Variants in ROS1 observed in about 807,000 individuals in gnomAD.
The protein encoded by ROS1 is ROS proto-oncogene 1, receptor tyrosine kinase, also known as proto-oncogene tyrosine-protein kinase ROS.
ROS1 carries 263 observed loss-of-function variants against 273.5 expected under a neutral mutation model. That is an observed-to-expected ratio of 0.96 (90% CI 0.87 to 1.06). ROS1 has a LOEUF of 1.06. ROS1 is among the 50% of genes least tolerant of loss of function. The probability of loss-of-function intolerance (pLI) is 0.00; values close to 1 mark genes in which losing one functional copy is unlikely to be tolerated. For synonymous variants in ROS1, 1,008 were observed against 954.1 expected, an observed-to-expected ratio of 1.06 and a Z score of -1.04; for missense variants, 2,833 against 2,751.1, an observed-to-expected ratio of 1.03 and a Z score of -0.67.
chr6:117,342,483 T>C lies in ROS1; in HGVS notation c.4568A>G (p.Gln1523Arg), dbSNP rs750621559. ...DLQPFSTYMI[Q>R]IAVKNYYSDP... ...TGAATAATAATTTTTTACAGCTATC[T>C]GTATCATGTATGTTGAAAATGGTTG... The change falls in exon 29 of 44, where the codon CAG (glutamine) becomes CGG (arginine). Residue 1523 changes from glutamine to arginine, a missense_variant. Coordinates refer to ENST00000368507, the MANE Select transcript of ROS1 (RefSeq NM_001378902.1). 25 of 1,603,958 alleles carry C rather than the reference T, an allele frequency of 1.6e-5. No individual in the cohort carries two copies. The highest frequency in any genetic ancestry group is 2.2e-5 in the East Asian group (1 of 44,696).
chr6:117,342,433 C>T lies in ROS1; in HGVS notation c.4618G>A (p.Gly1540Arg). Residue 1540 changes from glycine (G) to arginine (R), a missense_variant, in exon 29 of 44, where the codon GGA becomes AGA. Coordinates refer to ENST00000368507, the MANE Select transcript of ROS1 (RefSeq NM_001378902.1). ...TTAGTTTTTCCCCAAATCTCTTTTCCTGGTGGTAAATGTTCCAAAGGATCT... is the reference window on the plus strand; with the variant it reads ...TTAGTTTTTCCCCAAATCTCTTTTCTTGGTGGTAAATGTTCCAAAGGATCT... ...YSDPLEHLPP[G>R]KEIWGKTKNG... 6.2e-7 allele frequency: 1 copy of T among 1,611,908 alleles called. No homozygotes were observed. Among genetic ancestry groups the T allele is most frequent in the Middle Eastern group, 1.7e-4 (1 of 6,052 alleles).
intron 42 of ROS1, among the ~76,000 whole-genome samples, chr6:117,302,246 A>C (rs920349092): frequency 6.6e-6 from 1 of 152,200 alleles, no homozygotes; most frequent in Admixed American, 6.5e-5. Context: ...TTTTTAAGTA[A>C]TATTCAGTCT....
In ROS1 at chr6:117,341,476, C is replaced by T. The variant is rs1477497007; in HGVS notation, c.4808G>A (p.Arg1603Lys). 2.5e-6 allele frequency: 4 copies of T among 1,613,806 alleles called. No homozygotes were observed. The highest frequency in any genetic ancestry group is 2.2e-5 in the East Asian group (1 of 44,876). Reference sequence around the variant, plus strand: ...CCTTCCATTTGGAAATTCACTTTGTCTTAGAGGAGTTTCAGGAATTAGGGC... The same window carrying T: ...CCTTCCATTTGGAAATTCACTTTGTTTTAGAGGAGTTTCAGGAATTAGGGC... Reference protein sequence around the residue: ...HLALIPETPLRQSEFPNGRLT... With the variant: ...HLALIPETPLKQSEFPNGRLT... Residue 1603 changes from arginine to lysine, a missense_variant, in exon 30 of 44, where the codon AGA becomes AAA. Physicochemically the swap from Arg to Lys is conservative, Grantham distance 26. Coordinates refer to ENST00000368507, the MANE Select transcript of ROS1 (RefSeq NM_001378902.1).
chr6:117,303,781 A>T (rs1774912287), intron 42 of ROS1, among the ~76,000 whole-genome samples: 1 of 152,212 alleles, frequency 6.6e-6, no homozygotes, highest in South Asian at 2.1e-4. Flanking sequence ...AGAAGACTAG[A>T]TGAGAGATAA....
intron 5 of ROS1, among the ~76,000 whole-genome samples, chr6:117,406,140 GTCTC>G (rs887783530): frequency 1.2e-3 from 184 of 150,394 alleles, no homozygotes; most frequent in African/African-American, 4.2e-3. Context: ...ATGAGACTCT[GTCTC>G]TCTCTCTCTC....
intron 39 of ROS1, among the ~76,000 whole-genome samples, chr6:117,312,452 A>G (rs1775615890): frequency 6.6e-6 from 1 of 151,964 alleles, no homozygotes; most frequent in African/African-American, 2.4e-5. Context: ...TTACTCCCAA[A>G]TCAATATCCT....
At chr6:117,296,576 C>A (rs1690605908) in intron 43 of ROS1, among the ~76,000 whole-genome samples, 1 of 152,038 alleles carries the variant, frequency 6.6e-6, no homozygotes, top group Non-Finnish European at 1.5e-5. Flanking sequence ...CTCATGTTCT[C>A]ATTTCTTTGT....
intron 27 of ROS1, among the ~76,000 whole-genome samples, chr6:117,347,182 T>C (rs1246244936): frequency 6.6e-6 from 1 of 152,146 alleles, no homozygotes; most frequent in East Asian, 1.9e-4. Flanking sequence ...CAATATTGAG[T>C]CTTCCTATCT....
At chr6:117,320,948 C>T (rs1021903023) in intron 36 of ROS1, among the ~76,000 whole-genome samples, 1 of 152,114 alleles carries the variant, frequency 6.6e-6, no homozygotes. Context: ...CAAACACTGC[C>T]TCCAGGTCAA....
At chr6:117,381,312 G>A (rs1772124582) in intron 17 of ROS1, among the ~76,000 whole-genome samples, 1 of 151,786 alleles carries the variant, frequency 6.6e-6, no homozygotes, top group Non-Finnish European at 1.5e-5. Flanking sequence ...TAAAGGCTGA[G>A]ATTTCAGTGC....
At position 117,387,820 on chromosome 6, in the gene ROS1, G is replaced by T. The variant is rs1164590340; in HGVS notation, c.1959C>A (p.Gly653=). 2 of 1,614,080 alleles carry T rather than the reference G, an allele frequency of 1.2e-6. No individual in the cohort carries two copies. Among genetic ancestry groups the T allele is most frequent in the Non-Finnish European group, 1.7e-6 (2 of 1,180,010 alleles). Residue 653 remains glycine (G), a synonymous_variant, in exon 14 of 44, where the codon GGC becomes GGA. Transcript: ENST00000368507. ...SVRASSPKRP[G]PWSEPSVGTT... ...TACCCACTGAGGGCTCTGACCAGGG[G>T]CCTGGCCTCTTTGGAGAACTTGCTC... is the stretch of plus-strand genomic sequence containing the variant.
Position 117,377,509 on chromosome 6 carries a change from G to GA in ROS1, c.2582+1549dup, listed in dbSNP as rs940072215. On this transcript the variant is annotated intron_variant, in intron 18 of 43. Transcript: ENST00000368507. ...AACAACTGGATATCCCTACAGAAAG[G>GA]AAAAAAAGAAAACTTTAACTCATAT... 2.6e-5 allele frequency among the ~76,000 whole-genome samples: 4 copies of GA among 151,626 alleles called. No homozygotes were observed. In the South Asian group the frequency reaches 8.3e-4, roughly 32 times the overall value.
intron 31 of ROS1, among the ~76,000 whole-genome samples, chr6:117,338,884 A>AG (rs1363738315): frequency 6.6e-6 from 1 of 152,116 alleles, no homozygotes; most frequent in African/African-American, 2.4e-5. Context: ...GGTGGGAGTG[A>AG]GGGGGAGTGT....
At chr6:117,392,532 T>C (rs1425010462) in intron 12 of ROS1, among the ~76,000 whole-genome samples, 1 of 152,174 alleles carries the variant, frequency 6.6e-6, no homozygotes, top group Non-Finnish European at 1.5e-5. Flanking sequence ...ATATCTGGAG[T>C]TCACAAAATA....
At chr6:117,314,691 C>T (rs186841005) in intron 39 of ROS1, among the ~76,000 whole-genome samples, 1 of 152,248 alleles carries the variant, frequency 6.6e-6, no homozygotes, top group Non-Finnish European at 1.5e-5. Context: ...GCCTTGAGAC[C>T]TCCAGCCCCC....
At chr6:117,305,826 T>A (rs1240551339) in intron 42 of ROS1, among the ~76,000 whole-genome samples, 1 of 152,204 alleles carries the variant, frequency 6.6e-6, no homozygotes, top group Non-Finnish European at 1.5e-5. Flanking sequence ...ATGCAGTGTA[T>A]ACTCGCACCA....
intron 32 of ROS1, among the ~76,000 whole-genome samples, chr6:117,333,867 G>A (rs1307077286): frequency 6.6e-6 from 1 of 152,084 alleles, no homozygotes; most frequent in Non-Finnish European, 1.5e-5. Flanking sequence ...AACTATTTAT[G>A]ACAAACCTAC....
chr6:117,364,911 T>C lies in ROS1; in HGVS notation c.3103+149A>G. On this transcript the variant is annotated intron_variant, in intron 21 of 43. Transcript: ENST00000368507. ...TGCATATTTATGTTAATGACGCTAT[T>C]CTAATCTCCAAAAAGTCATTGAAAG... 4.4e-6 allele frequency: 3 copies of C among 677,236 alleles called. No homozygotes were observed. The South Asian group carries it at 6.0e-5, about 13-fold the overall frequency. 42.0% of individuals were successfully genotyped at this position (677,236 alleles called of 1,614,324 possible).
chr6:117,412,596 A>C (rs1775001946), intron 4 of ROS1, among the ~76,000 whole-genome samples: 1 of 114,908 alleles, frequency 8.7e-6, no homozygotes, highest in Non-Finnish European at 1.7e-5. Context: ...AGGTACATAG[A>C]TAGATAGACA....
Sources: allele counts gnomAD v4.1 joint callset (sites outside exome capture counted in the v4.1 genomes callset), GRCh38; gene constraint gnomAD v4.1.1; transcripts MANE v1.5; gene names NCBI Gene and HGNC (gene_info 2026-07-23, HGNC 2026-07-21).